Variants in UBR7 observed in about 807,000 individuals in gnomAD.
The protein encoded by UBR7 is ubiquitin protein ligase E3 component n-recognin 7, also known as putative E3 ubiquitin-protein ligase UBR7.
In UBR7, 22 loss-of-function variants were observed where a neutral mutation model predicts 57.0. That is an observed-to-expected ratio of 0.39 (90% CI 0.28 to 0.55). UBR7 has a LOEUF of 0.55. UBR7 is among the 20% of genes least tolerant of loss of function. The pLI is 0.69. For missense variants in UBR7, 395 were observed against 513.2 expected (o/e 0.77, Z 2.23); for synonymous variants, 167 against 179.8 (o/e 0.93, Z 0.57).
In UBR7 at chr14:93,229,155, T is replaced by C. The variant is rs934988777; in HGVS notation, c.*2120T>C. ...TTTGTAGAAATTGTTACTGGACTTA[T>C]AATTACATACTTAACTCTGATCAGG... is the stretch of plus-strand genomic sequence containing the variant. On this transcript the variant is annotated 3_prime_UTR_variant, in exon 11 of 11. Transcript: ENST00000013070. 5.7e-6 allele frequency: 2 copies of C among 347,888 alleles called. No individual in the cohort carries two copies. The highest frequency in any genetic ancestry group is 1.1e-5 in the Non-Finnish European group (2 of 177,814). 21.6% of individuals were successfully genotyped at this position (347,888 alleles called of 1,614,324 possible).
In UBR7 at chr14:93,207,910, C is replaced by T. The variant is rs1047857838; in HGVS notation, c.150+469C>T. On this transcript the variant is annotated intron_variant, in intron 1 of 10. Transcript: ENST00000013070. ...GGATTTGCGGTGAGCTCCTTGACAG[C>T]TAGTTCCTCTGCAATTTAGTTGGAC... Among the ~76,000 whole-genome samples, 4 of 152,200 alleles carry T rather than the reference C, an allele frequency of 2.6e-5. No homozygotes were observed. The East Asian group carries it at 7.7e-4, about 29-fold the overall frequency.
intron 4 of UBR7, among the ~76,000 whole-genome samples, chr14:93,213,281 A>G (rs1566821228): frequency 6.6e-6 from 1 of 152,080 alleles, no homozygotes; most frequent in East Asian, 1.9e-4. Flanking sequence ...AAATTTTGCC[A>G]TTCTGATAAA....
rs145348711 is a variant in UBR7, at chr14:93,212,092, A to T, written c.406A>T (p.Ile136Phe). The T allele has an allele frequency of 2.5e-6, 4 of 1,613,232 alleles. No individual in the cohort carries two copies. The highest frequency in any genetic ancestry group is 3.4e-6 in the Non-Finnish European group (4 of 1,179,498). The change falls in exon 4 of 11, where the codon ATT becomes TTT. Residue 136 changes from isoleucine (I) to phenylalanine (F), a missense_variant. Physicochemically the swap from Ile to Phe is conservative, Grantham distance 21. Coordinates refer to ENST00000013070, the MANE Select transcript of UBR7 (RefSeq NM_175748.4). ...TGACAACTTTTTTGGATTGTACTGC[A>T]TTTGCAAGAGACCTTATCCTGATCC... ...YNDNFFGLYC[I>F]CKRPYPDPED...
At chr14:93,208,828 A>G (rs1894422918) in intron 1 of UBR7, among the ~76,000 whole-genome samples, 1 of 151,626 alleles carries the variant, frequency 6.6e-6, no homozygotes, top group African/African-American at 2.4e-5. Flanking sequence ...ATGGAATTTC[A>G]CTCTTGCCAC....
chr14:93,220,357 C>T lies in UBR7; in HGVS notation c.1069C>T (p.Leu357=). The T allele has an allele frequency of 6.2e-7, 1 of 1,613,738 alleles. No homozygotes were observed. The highest frequency in any genetic ancestry group is 8.5e-7 in the Non-Finnish European group (1 of 1,179,966). ...CCAGGCCACTGACAGGAGCGATCCC[C>T]TAATGGATACCCTTAGCAGCATGAA... The part of the protein sequence containing the change: ...IAQATDRSDP[L]MDTLSSMNRV... The change falls in exon 9 of 11, where the codon CTA becomes TTA. Residue 357 remains leucine (L), a synonymous_variant. Transcript: ENST00000013070.
chr14:93,225,023 C>T (rs76118218), intron 10 of UBR7, among the ~76,000 whole-genome samples: 1 of 152,184 alleles, frequency 6.6e-6, no homozygotes, highest in Non-Finnish European at 1.5e-5. Flanking sequence ...AAGGTCTTCA[C>T]AGGTATCTTC....
intron 3 of UBR7, among the ~76,000 whole-genome samples, chr14:93,211,376 C>CA (rs976282574): frequency 3.2e-5 from 2 of 62,674 alleles, no homozygotes; most frequent in African/African-American, 3.6e-4. Flanking sequence ...GTGAAACCCC[C>CA]CCGTACTAAA....
rs751050574 is a variant in UBR7 at position 93,229,093 on chromosome 14, A to T, written c.*2058A>T. 5.1e-5 allele frequency: 19 copies of T among 372,048 alleles called. No homozygotes were observed. Among genetic ancestry groups the T allele is most frequent in the African/African-American group, 3.4e-4 (16 of 47,108 alleles). 23.0% of individuals were successfully genotyped at this position (372,048 alleles called of 1,614,324 possible). The stretch of plus-strand genomic sequence containing the variant: ...TTATGCAAAACACAAATATGATATT[A>T]GTTGCTTTTAAGGAGTTCTGGCATT... On this transcript the variant is annotated 3_prime_UTR_variant, in exon 11 of 11. Coordinates refer to ENST00000013070, the MANE Select transcript of UBR7 (RefSeq NM_175748.4).
chr14:93,218,660 G>T lies in UBR7; in HGVS notation c.735G>T (p.Lys245Asn). 3 of 1,614,164 alleles carry T rather than the reference G, an allele frequency of 1.9e-6. No homozygotes were observed. Among genetic ancestry groups the T allele is most frequent in the Non-Finnish European group, 2.5e-6 (3 of 1,180,042 alleles). ...TLKEDVPEQG[K>N]DDVREVKVEQ... Reference sequence around the variant, plus strand: ...AAGAGGATGTTCCAGAACAGGGAAAGGATGATGTCCGGGAGGTTAAAGTAG... The same window carrying T: ...AAGAGGATGTTCCAGAACAGGGAAATGATGATGTCCGGGAGGTTAAAGTAG... Residue 245 changes from lysine to asparagine, a missense_variant, in exon 7 of 11, where the codon AAG becomes AAT. Coordinates refer to ENST00000013070, the MANE Select transcript of UBR7 (RefSeq NM_175748.4).
Position 93,228,994 on chromosome 14 carries a change from T to TA in UBR7, c.*1960dup. The stretch of plus-strand genomic sequence containing the variant: ...TCTTTTTTTACCTGTTGTTCACAAC[T>TA]AGTTTTCTTATTGACTGTATTGGAC... On this transcript the variant is annotated 3_prime_UTR_variant, in exon 11 of 11. Coordinates refer to ENST00000013070, the MANE Select transcript of UBR7 (RefSeq NM_175748.4). The TA allele has an allele frequency of 2.2e-6, 1 of 453,922 alleles. No homozygotes were observed. Among genetic ancestry groups the TA allele is most frequent in the Non-Finnish European group, 4.4e-6 (1 of 226,720 alleles). 28.1% of individuals were successfully genotyped at this position (453,922 alleles called of 1,614,324 possible).
chr14:93,216,204 G>A (rs1213567648), intron 6 of UBR7, among the ~76,000 whole-genome samples: 2 of 152,052 alleles, frequency 1.3e-5, no homozygotes, highest in Non-Finnish European at 2.9e-5. Flanking sequence ...ACACTACCAT[G>A]CCCTGCTAAT....
At position 93,210,631 on chromosome 14, in the gene UBR7, T is replaced by C. The variant is rs1894463411; in HGVS notation, c.285-17T>C. 2 of 1,586,050 alleles carry C rather than the reference T, an allele frequency of 1.3e-6. No individual in the cohort carries two copies. The highest frequency in any genetic ancestry group is 8.6e-7 in the Non-Finnish European group (1 of 1,162,532). On this transcript the variant is annotated splice_polypyrimidine_tract_variant and intron_variant, in intron 2 of 10. Coordinates refer to ENST00000013070, the MANE Select transcript of UBR7 (RefSeq NM_175748.4). ...TGTAAAAAGAAAAATAAAATTGTTA[T>C]TTCCTCCTTTTTTCAGAAATTTTCG...
chr14:93,226,481 C>T (rs1297655074), intron 10 of UBR7, among the ~76,000 whole-genome samples: 2 of 152,132 alleles, frequency 1.3e-5, no homozygotes, highest in Admixed American at 6.6e-5. Flanking sequence ...CTCGTATCTA[C>T]ACAAAATTTA....
chr14:93,211,145 CAGG>C (rs1427090059), intron 3 of UBR7, among the ~76,000 whole-genome samples: 2 of 152,046 alleles, frequency 1.3e-5, no homozygotes, highest in Non-Finnish European at 2.9e-5. Flanking sequence ...GAGGCTGAGG[CAGG>C]AGAATTGCTT....
intron 1 of UBR7, among the ~76,000 whole-genome samples, chr14:93,208,576 C>G (rs969475873): frequency 1.3e-5 from 2 of 149,002 alleles, no homozygotes; most frequent in African/African-American, 2.5e-5. Flanking sequence ...AAAAAAAATA[C>G]GGAAATTTGC....
At chr14:93,214,780 ATTGT>A in intron 4 of UBR7, 145 bp from the exon 5 acceptor site, 2 of 738,780 alleles carry the variant, frequency 2.7e-6, no homozygotes, top group South Asian at 1.5e-5. Context: ...GAGCCTTGAG[ATTGT>A]TTGTAAAGTG....
chr14:93,208,795 T>C (rs1052302828), intron 1 of UBR7, among the ~76,000 whole-genome samples: 11 of 152,116 alleles, frequency 7.2e-5, no homozygotes, highest in Non-Finnish European at 1.6e-4. Context: ...CTTATACATA[T>C]TCACTTTTTT....
In UBR7 at chr14:93,227,749, T is replaced by C. The variant is rs2140111541; in HGVS notation, c.*714T>C. Reference sequence around the variant, plus strand: ...AGTGAAATTTTCGTTCATGATTCTATTGGCACTAGAATTAGAATTTCAGTA... The same window carrying C: ...AGTGAAATTTTCGTTCATGATTCTACTGGCACTAGAATTAGAATTTCAGTA... On this transcript the variant is annotated 3_prime_UTR_variant, in exon 11 of 11. Coordinates refer to ENST00000013070, the MANE Select transcript of UBR7 (RefSeq NM_175748.4). 1 of 700,870 alleles carries C rather than the reference T, an allele frequency of 1.4e-6. No individual in the cohort carries two copies. Among genetic ancestry groups the C allele is most frequent in the Non-Finnish European group, 2.6e-6 (1 of 384,830 alleles). 43.4% of individuals were successfully genotyped at this position (700,870 alleles called of 1,614,324 possible).
chr14:93,210,362 C>T (rs1022780466), intron 2 of UBR7, among the ~76,000 whole-genome samples: 3 of 152,130 alleles, frequency 2.0e-5, no homozygotes, highest in Admixed American at 1.3e-4. Flanking sequence ...GGATTACAGG[C>T]GTGAGCCACC....
Sources: allele counts gnomAD v4.1 joint callset (sites outside exome capture counted in the v4.1 genomes callset), GRCh38; gene constraint gnomAD v4.1.1; transcripts MANE v1.5; gene names NCBI Gene and HGNC (gene_info 2026-07-23, HGNC 2026-07-21).